The following RBFOX1 variants were observed in gnomAD, a reference collection of about 807,000 sequenced individuals.
The protein encoded by RBFOX1 is RNA binding fox-1 homolog 1, also known as RNA binding protein fox-1 homolog 1.
Under a neutral mutation model 57.7 loss-of-function variants are expected in RBFOX1, and 8 were observed. That is an observed-to-expected ratio of 0.14 (90% CI 0.08 to 0.25). RBFOX1 has a LOEUF of 0.25. Among genes scored for constraint, RBFOX1 ranks in the 10% least tolerant of loss-of-function variants. The pLI, the probability that RBFOX1 is intolerant of heterozygous loss-of-function variation, is 1.00. For missense variants in RBFOX1, 611 were observed against 548.5 expected (o/e 1.11, Z -1.14); for synonymous variants, 326 against 222.4 (o/e 1.47, Z -4.15).
intron 2 of RBFOX1, among the ~76,000 whole-genome samples, chr16:5,551,931 G>A (rs537012840): frequency 2.0e-5 from 3 of 152,074 alleles, no homozygotes; most frequent in South Asian, 2.1e-4. Flanking sequence ...GAGAATGATG[G>A]TTTCCAGCTT....
At chr16:7,337,516 G>T (rs1481454997) in intron 4 of RBFOX1, among the ~76,000 whole-genome samples, 1 of 152,152 alleles carries the variant, frequency 6.6e-6, no homozygotes, top group Non-Finnish European at 1.5e-5. Flanking sequence ...ATGTGACGAT[G>T]TTTAAACATA....
At chr16:7,283,469 T>C (rs2095588687) in intron 4 of RBFOX1, among the ~76,000 whole-genome samples, 2 of 151,730 alleles carry the variant, frequency 1.3e-5, no homozygotes, top group Non-Finnish European at 2.9e-5. Context: ...TGGAAAGGAG[T>C]ATGAATTTGC....
intron 5 of RBFOX1, among the ~76,000 whole-genome samples, chr16:7,575,870 C>T (rs1375729779): frequency 6.6e-6 from 1 of 152,162 alleles, no homozygotes; most frequent in Non-Finnish European, 1.5e-5. Context: ...GAGGTAGCTG[C>T]TCTGTCATCT....
intron 2 of RBFOX1, among the ~76,000 whole-genome samples, chr16:5,527,665 T>C (rs2044298704): frequency 6.6e-6 from 1 of 152,186 alleles, no homozygotes; most frequent in Non-Finnish European, 1.5e-5. Flanking sequence ...GATGGTTTTT[T>C]GGGTTTTGTG....
chr16:6,956,346 A>G (rs2172311), intron 3 of RBFOX1, among the ~76,000 whole-genome samples: 4 of 152,074 alleles, frequency 2.6e-5, no homozygotes, highest in African/African-American at 9.6e-5. Context: ...TCCCCAAAGT[A>G]TTTTGCTGCT....
intron 3 of RBFOX1, among the ~76,000 whole-genome samples, chr16:5,849,237 GGGTTCT>G (rs2151861225): frequency 6.6e-6 from 1 of 152,188 alleles, no homozygotes; most frequent in African/African-American, 2.4e-5. Context: ...CTGCATGGAA[GGGTTCT>G]TGACTTTAAG....
rs145093320 is a variant in RBFOX1 at position 7,053,444 on chromosome 16, C to A, written c.27+1346C>A. ...GTTCATCCTGTTAAATAATGTATTA[C>A]AACTTTAGATTTCTCTTGCTGTTTG... On this transcript the variant is annotated intron_variant, in intron 4 of 15. Transcript: ENST00000550418. 1.2e-3 allele frequency among the ~76,000 whole-genome samples: 181 copies of A among 152,244 alleles called. 1 individual carries two copies. The highest frequency in any genetic ancestry group is 3.4e-3 in the African/African-American group (140 of 41,542).
intron 2 of RBFOX1, among the ~76,000 whole-genome samples, chr16:5,512,263 A>C (rs2043621588): frequency 6.6e-6 from 1 of 152,188 alleles, no homozygotes; most frequent in Non-Finnish European, 1.5e-5. Context: ...AGGAGAAGAG[A>C]CAAAAGGCAC....
chr16:6,929,193 T>A (rs921150853), intron 3 of RBFOX1, among the ~76,000 whole-genome samples: 1 of 152,138 alleles, frequency 6.6e-6, no homozygotes, highest in Non-Finnish European at 1.5e-5. Context: ...ATTCTACTCT[T>A]TGAAGGCAAG....
chr16:5,958,784 T>C (rs780861040), intron 4 of RBFOX1, among the ~76,000 whole-genome samples: 31 of 152,314 alleles, frequency 2.0e-4, no homozygotes, highest in South Asian at 6.2e-4. Flanking sequence ...CCCACCCACA[T>C]TCCTTGGCTG....
chr16:6,803,012 C>G (rs1449907694), intron 3 of RBFOX1, among the ~76,000 whole-genome samples: 1 of 152,124 alleles, frequency 6.6e-6, no homozygotes, highest in Admixed American at 6.5e-5. Context: ...CTTTTAGCTG[C>G]CTTGCTACTA....
chr16:5,991,962 A>G (rs1419262755), intron 4 of RBFOX1, among the ~76,000 whole-genome samples: 1 of 152,208 alleles, frequency 6.6e-6, no homozygotes, highest in Non-Finnish European at 1.5e-5. Flanking sequence ...TGGAATTGCT[A>G]TGCACACACA....
At chr16:7,065,861 A>C (rs2055879115) in intron 4 of RBFOX1, among the ~76,000 whole-genome samples, 1 of 152,104 alleles carries the variant, frequency 6.6e-6, no homozygotes, top group Admixed American at 6.6e-5. Context: ...TTATGAGTTT[A>C]ATTTTTTTAG....
intron 2 of RBFOX1, among the ~76,000 whole-genome samples, chr16:6,574,510 G>C (rs1208972922): frequency 1.4e-5 from 2 of 139,476 alleles, no homozygotes; most frequent in Admixed American, 1.6e-4. Flanking sequence ...CTCACTGCAA[G>C]CTCCGCTTCC....
chr16:7,180,325 A>C (rs2082452640), intron 4 of RBFOX1, among the ~76,000 whole-genome samples: 1 of 152,136 alleles, frequency 6.6e-6, no homozygotes, highest in Non-Finnish European at 1.5e-5. Context: ...CAGATAGAAA[A>C]CTGAGGCTAA....
intron 4 of RBFOX1, among the ~76,000 whole-genome samples, chr16:7,393,672 T>C (rs1297151066): frequency 6.6e-6 from 1 of 152,130 alleles, no homozygotes; most frequent in Non-Finnish European, 1.5e-5. Flanking sequence ...GGATTATTCA[T>C]TGTGCCAAGG....
chr16:6,949,457 T>G (rs1431175425), intron 3 of RBFOX1, among the ~76,000 whole-genome samples: 1 of 152,236 alleles, frequency 6.6e-6, no homozygotes, highest in Admixed American at 6.5e-5. Flanking sequence ...CAACACAGAT[T>G]TGTTTTCTTA....
intron 4 of RBFOX1, among the ~76,000 whole-genome samples, chr16:7,457,515 G>A (rs1054528971): frequency 6.6e-6 from 1 of 152,196 alleles, no homozygotes; most frequent in Non-Finnish European, 1.5e-5. Context: ...CTTAAGTGGT[G>A]AGATGTTTGG....
intron 4 of RBFOX1, among the ~76,000 whole-genome samples, chr16:7,307,537 T>C (rs900023929): frequency 6.6e-6 from 1 of 152,240 alleles, no homozygotes; most frequent in Non-Finnish European, 1.5e-5. Context: ...TATTTGTATG[T>C]CCCAATAACT....
Sources: gnomAD v4.1 joint callset for allele counts (sites outside exome capture counted in the v4.1 genomes callset) on GRCh38, gnomAD v4.1.1 for gene constraint, MANE v1.5 for transcripts, NCBI Gene and HGNC (gene_info 2026-07-23, HGNC 2026-07-21) for gene names.